Variants in MFAP3 observed in about 807,000 individuals in gnomAD.
The protein encoded by MFAP3 is microfibril-associated glycoprotein 3.
MFAP3 carries 8 observed loss-of-function variants against 20.5 expected under a neutral mutation model. The ratio of observed to expected loss-of-function variants is 0.39; its 90% confidence interval spans 0.23 to 0.70. MFAP3 has a LOEUF of 0.70. Among genes scored for constraint, MFAP3 ranks in the 30% least tolerant of loss-of-function variants. The pLI, the probability that MFAP3 is intolerant of heterozygous loss-of-function variation, is 0.44. For synonymous variants in MFAP3, 140 were observed against 154.0 expected (o/e 0.91, Z 0.67); for missense variants, 398 against 444.6 (o/e 0.90, Z 0.94).
In MFAP3 at chr5:154,053,147, A is replaced by T. The variant is rs1456056319; in HGVS notation, c.523A>T (p.Ser175Cys). 1 of 1,613,744 alleles carries T rather than the reference A, an allele frequency of 6.2e-7. No homozygotes were observed. Among genetic ancestry groups the T allele is most frequent in the African/African-American group, 1.3e-5 (1 of 74,888 alleles). Reference protein sequence around the residue: ...LNVTRLCMMSSHLRKTEKAIN... With the variant: ...LNVTRLCMMSCHLRKTEKAIN... Reference sequence around the variant, plus strand: ...TGTCACACGGCTGTGCATGATGAGCAGCCATCTTCGCAAGACTGAGAAGGC... The same window carrying T: ...TGTCACACGGCTGTGCATGATGAGCTGCCATCTTCGCAAGACTGAGAAGGC... Residue 175 changes from serine to cysteine, a missense_variant, in exon 3 of 3, where the codon AGC (serine) becomes TGC (cysteine). Transcript: ENST00000522782.
intron 2 of MFAP3, 48 bp downstream of exon 2, chr5:154,050,065 GTCT>G (rs752253325): frequency 2.0e-6 from 3 of 1,526,072 alleles, no homozygotes; most frequent in South Asian, 1.3e-5. Flanking sequence ...TTCCTGTTCT[GTCT>G]TCTTATTTTT....
chr5:154,041,436 C>T (rs536036173), intron 1 of MFAP3, among the ~76,000 whole-genome samples: 1 of 152,286 alleles, frequency 6.6e-6, no homozygotes, highest in African/African-American at 2.4e-5. Context: ...AAACTAAAAC[C>T]ACTGGAGCAC....
intron 1 of MFAP3, among the ~76,000 whole-genome samples, chr5:154,039,709 G>GA (rs200454209): frequency 6.6e-6 from 1 of 152,232 alleles, no homozygotes; most frequent in East Asian, 1.9e-4. Context: ...CTCGAGCAGT[G>GA]AAAATGCATG....
rs767163083 is a variant in MFAP3, at chr5:154,053,238, G to T, written c.614G>T (p.Arg205Leu). The change falls in exon 3 of 3, where the codon CGT (arginine) becomes CTT (leucine). Residue 205 changes from arginine to leucine, a missense_variant. Transcript: ENST00000522782. ...KLQKAFEIAKRIPIITSAKTL... is the reference protein window; with the variant it reads ...KLQKAFEIAKLIPIITSAKTL... The stretch of plus-strand genomic sequence containing the variant: ...CAGAAGGCCTTTGAGATTGCAAAAC[G>T]TATCCCCATCATTACCTCAGCCAAA... 6.2e-7 allele frequency: 1 copy of T among 1,613,916 alleles called. No homozygotes were observed. The highest frequency in any genetic ancestry group is 1.1e-5 in the South Asian group (1 of 91,076).
chr5:154,051,075 TCA>T (rs1207331445), intron 2 of MFAP3, among the ~76,000 whole-genome samples: 1 of 152,210 alleles, frequency 6.6e-6, no homozygotes, highest in Non-Finnish European at 1.5e-5. Context: ...GAGTGACTAG[TCA>T]CCAAGGGATT....
intron 2 of MFAP3, among the ~76,000 whole-genome samples, chr5:154,051,128 T>C (rs942884570): frequency 2.0e-5 from 3 of 152,208 alleles, no homozygotes; most frequent in African/African-American, 7.2e-5. Flanking sequence ...TCAGCATGTT[T>C]AAAATACATA....
At position 154,053,785 on chromosome 5, in the gene MFAP3, G is replaced by A; in HGVS notation, c.*72G>A. On this transcript the variant is annotated 3_prime_UTR_variant, in exon 3 of 3. Coordinates refer to ENST00000522782, the MANE Select transcript of MFAP3 (RefSeq NM_005927.5). ...AAAAGGAACCTGTTTCTTAGAAGAA[G>A]TAACATTTTTGCCAAAAGATGACTG... The A allele has an allele frequency of 2.8e-6, 4 of 1,432,042 alleles. No homozygotes were observed. The South Asian group carries it at 5.6e-5, about 20-fold the overall frequency. 88.7% of individuals were successfully genotyped at this position (1,432,042 alleles called of 1,614,324 possible).
intron 1 of MFAP3, among the ~76,000 whole-genome samples, chr5:154,047,812 C>G (rs1561589347): frequency 6.6e-6 from 1 of 152,086 alleles, no homozygotes; most frequent in East Asian, 1.9e-4. Flanking sequence ...AAGTGCTGCC[C>G]TGGATGAAGC....
At chr5:154,042,180 T>C (rs965723492) in intron 1 of MFAP3, among the ~76,000 whole-genome samples, 2 of 152,210 alleles carry the variant, frequency 1.3e-5, no homozygotes, top group African/African-American at 4.8e-5. Context: ...AGACTGAGTT[T>C]CAAATAGAGA....
chr5:154,047,585 T>C (rs1773097162), intron 1 of MFAP3, among the ~76,000 whole-genome samples: 2 of 152,340 alleles, frequency 1.3e-5, no homozygotes, highest in South Asian at 4.1e-4. Flanking sequence ...GTAGTATCTC[T>C]GGAAGCTAAT....
chr5:154,040,461 T>C (rs2113551418), intron 1 of MFAP3, among the ~76,000 whole-genome samples: 1 of 152,322 alleles, frequency 6.6e-6, no homozygotes, highest in East Asian at 1.9e-4. Flanking sequence ...CATGTAACTT[T>C]TAGAAAATTG....
intron 2 of MFAP3, 65 bp downstream of exon 2, chr5:154,050,082 C>G (rs997214374): frequency 3.3e-6 from 5 of 1,498,540 alleles, no homozygotes; most frequent in Non-Finnish European, 4.5e-6. Context: ...TATTTTTTAA[C>G]ACGTTAAACA....
rs930196379 is a variant in MFAP3, at chr5:154,056,827, G to C, written c.*3114G>C. Among the ~76,000 whole-genome samples the C allele has an allele frequency of 2.6e-5, 4 of 152,150 alleles. No homozygotes were observed. Among genetic ancestry groups the C allele is most frequent in the African/African-American group, 9.7e-5 (4 of 41,424 alleles). ...TATATGTTACGATGGTTTAATTCTT[G>C]AGTCAGGGCCAGCACGCATTTATAT... On this transcript the variant is annotated 3_prime_UTR_variant, in exon 3 of 3. Coordinates refer to ENST00000522782, the MANE Select transcript of MFAP3 (RefSeq NM_005927.5).
At position 154,041,248 on chromosome 5, in the gene MFAP3, C is replaced by T. The variant is rs573963510; in HGVS notation, c.-167+2237C>T. On this transcript the variant is annotated intron_variant, in intron 1 of 2. Transcript: ENST00000522782. ...ACAGTTTCCCCCAGAAAGATATTGACGGGAAGGGGCAGAAAGATTTTTAAG... is the reference window on the plus strand; with the variant it reads ...ACAGTTTCCCCCAGAAAGATATTGATGGGAAGGGGCAGAAAGATTTTTAAG... Among the ~76,000 whole-genome samples, 9 of 151,964 alleles carry T rather than the reference C, an allele frequency of 5.9e-5. No homozygotes were observed. In the South Asian group the frequency reaches 8.3e-4, roughly 14 times the overall value.
At chr5:154,041,482 A>G (rs1772950369) in intron 1 of MFAP3, among the ~76,000 whole-genome samples, 1 of 152,222 alleles carries the variant, frequency 6.6e-6, no homozygotes, top group Non-Finnish European at 1.5e-5. Flanking sequence ...AAAACTAAAG[A>G]CCAGACTTAA....
chr5:154,039,268 G>C (rs767054606), intron 1 of MFAP3: 2 of 152,220 alleles, frequency 1.3e-5, no homozygotes, highest in African/African-American at 4.8e-5. Flanking sequence ...GCGAAAAGCA[G>C]ATTATAAACA....
At chr5:154,052,393 T>A (rs945480775) in intron 2 of MFAP3, among the ~76,000 whole-genome samples, 35 of 152,002 alleles carry the variant, frequency 2.3e-4, no homozygotes, top group East Asian at 3.9e-4. Flanking sequence ...TAGGATTTTT[T>A]AAAATAATTT....
At chr5:154,040,281 T>G (rs1772896514) in intron 1 of MFAP3, among the ~76,000 whole-genome samples, 1 of 152,242 alleles carries the variant, frequency 6.6e-6, no homozygotes, top group Non-Finnish European at 1.5e-5. Flanking sequence ...TAAAATAAAC[T>G]CATTATATGT....
intron 1 of MFAP3, among the ~76,000 whole-genome samples, chr5:154,043,181 GAAAGATGAA>G (rs1169116595): frequency 3.9e-5 from 6 of 152,106 alleles, no homozygotes; most frequent in Admixed American, 1.3e-4. Context: ...CTGTATACCT[GAAAGATGAA>G]AAAGGAGTTG....
Sources: allele counts gnomAD v4.1 joint callset (sites outside exome capture counted in the v4.1 genomes callset), GRCh38; gene constraint gnomAD v4.1.1; transcripts MANE v1.5; gene names NCBI Gene and HGNC (gene_info 2026-07-23, HGNC 2026-07-21).